DCBLD2: variants seen among roughly 807,000 people sequenced by gnomAD.
The protein encoded by DCBLD2 is discoidin, CUB and LCCL domain-containing protein 2.
DCBLD2 carries 54 observed loss-of-function variants against 86.8 expected under a neutral mutation model. That is an observed-to-expected ratio of 0.62 (90% confidence interval 0.50 to 0.78). The LOEUF (loss-of-function observed/expected upper bound fraction) is 0.78. DCBLD2 is among the 30% of genes least tolerant of loss of function. DCBLD2 has a pLI of 0.00. For synonymous variants in DCBLD2, 354 were observed against 341.3 expected (o/e 1.04, Z -0.41); for missense variants, 908 against 954.2 (o/e 0.95, Z 0.64).
chr3:98,799,815 TTCC>T lies in DCBLD2; in HGVS notation c.1882_1884del (p.Gly628del). ...GATCTTTGATGAAGTGTACCAACAA[TTCC>T]TCCTACCAGTGGCTGAGCATACTCT... On this transcript the variant is annotated inframe_deletion, in exon 16 of 16. Transcript: ENST00000326840. The T allele has an allele frequency of 6.2e-7, 1 of 1,612,786 alleles. No homozygotes were observed. The highest frequency in any genetic ancestry group is 8.5e-7 in the Non-Finnish European group (1 of 1,179,154).
At chr3:98,814,717 TG>T (rs1423406044) in intron 9 of DCBLD2, 4 of 152,128 alleles carry the variant, frequency 2.6e-5, no homozygotes, top group Non-Finnish European at 4.4e-5. Context: ...CAATTACCCT[TG>T]GGTTGGAGGT....
At chr3:98,864,589 C>T (rs1339407484) in intron 2 of DCBLD2, among the ~76,000 whole-genome samples, 1 of 152,104 alleles carries the variant, frequency 6.6e-6, no homozygotes, top group Non-Finnish European at 1.5e-5. Flanking sequence ...TCATTCTCAG[C>T]AAACTATCGC....
chr3:98,901,455 C>T lies in DCBLD2; in HGVS notation c.-129G>A. On this transcript the variant is annotated 5_prime_UTR_variant, in exon 1 of 16. Coordinates refer to ENST00000326840, the MANE Select transcript of DCBLD2 (RefSeq NM_080927.4). ...AAGAGGCAGCCCTCGCCTCACCCCG[C>T]GCCGGGACCCTTCCGCCCCTCACCC... is the stretch of plus-strand genomic sequence containing the variant. 1.1e-6 allele frequency: 1 copy of T among 946,816 alleles called. No homozygotes were observed. The highest frequency in any genetic ancestry group is 4.6e-5 in the South Asian group (1 of 21,536). 58.7% of individuals were successfully genotyped at this position (946,816 alleles called of 1,614,324 possible).
At position 98,863,431 on chromosome 3, in the gene DCBLD2, C is replaced by T. The variant is rs945406144; in HGVS notation, c.434-13833G>A. Among the ~76,000 whole-genome samples, 6 of 152,218 alleles carry T rather than the reference C, an allele frequency of 3.9e-5. No individual in the cohort carries two copies. In the East Asian group the frequency reaches 5.8e-4, roughly 15 times the overall value. The stretch of plus-strand genomic sequence containing the variant: ...ACAATCCTAAGCCAAAAGAACAAAG[C>T]GGGAGGCATCAAGCTACTTGACTTC... On this transcript the variant is annotated intron_variant, in intron 2 of 15. Coordinates refer to ENST00000326840, the MANE Select transcript of DCBLD2 (RefSeq NM_080927.4).
In DCBLD2 at chr3:98,812,355, A is replaced by G. The variant is rs2107436707; in HGVS notation, c.1340T>C (p.Leu447Pro). 1 of 1,613,512 alleles carries G rather than the reference A, an allele frequency of 6.2e-7. No individual in the cohort carries two copies. The highest frequency in any genetic ancestry group is 2.2e-5 in the East Asian group (1 of 44,828). ...QQKIAMKMEL[L>P]GCQFIPKGRP... is the part of the protein sequence containing the mutation. ...ACCTTTAGGAATAAACTGACATCCG[A>G]GCAGCTCCATTTTCATGGCAATTTT... The change falls in exon 10 of 16, where the codon CTC becomes CCC. Residue 447 changes from leucine (L) to proline (P), a missense_variant. Physicochemically the swap from Leu to Pro is moderately conservative, Grantham distance 98. This residue lies in a region of DCBLD2 where 606 missense variants were observed against 678.5 expected (regional missense o/e 0.89). Transcript: ENST00000326840.
intron 3 of DCBLD2, 39 bp from the exon 4 acceptor site, chr3:98,825,405 A>T (rs1169330995): frequency 1.4e-6 from 2 of 1,411,898 alleles, no homozygotes; most frequent in African/African-American, 3.0e-5. Context: ...CCATTAATAT[A>T]CAGGATTACC....
intron 1 of DCBLD2, chr3:98,890,262 G>A (rs535390509): frequency 3.9e-5 from 6 of 152,164 alleles, no homozygotes; most frequent in African/African-American, 1.2e-4. Context: ...CTAAGAGGAG[G>A]AAAGTTTAGA....
chr3:98,886,672 G>A (rs1327784372), intron 1 of DCBLD2, among the ~76,000 whole-genome samples: 1 of 151,904 alleles, frequency 6.6e-6, no homozygotes, highest in Non-Finnish European at 1.5e-5. Flanking sequence ...ACTGGAATTT[G>A]ATCTTAATGA....
intron 2 of DCBLD2, among the ~76,000 whole-genome samples, chr3:98,879,389 C>CTTT: frequency 6.6e-6 from 1 of 152,016 alleles, no homozygotes; most frequent in Admixed American, 6.6e-5. Flanking sequence ...CTCTGATAAT[C>CTTT]TTTTTTTCTT....
chr3:98,802,126 A>G (rs567345011), intron 13 of DCBLD2, among the ~76,000 whole-genome samples: 4 of 152,308 alleles, frequency 2.6e-5, no homozygotes, highest in African/African-American at 7.2e-5. Flanking sequence ...CTGAGGAATC[A>G]CCACACTGTC....
chr3:98,820,730 A>G (rs1184487896), intron 6 of DCBLD2: 1 of 151,528 alleles, frequency 6.6e-6, no homozygotes, highest in Non-Finnish European at 1.5e-5. Context: ...TTTTTCGGAT[A>G]AACATGAGAA....
At chr3:98,815,842 A>T (rs1942010569) in intron 9 of DCBLD2, 1 of 152,270 alleles carries the variant, frequency 6.6e-6, no homozygotes, top group South Asian at 2.1e-4. Flanking sequence ...GAAAACTTTC[A>T]AACTAAAATA....
chr3:98,868,020 G>A lies in DCBLD2; in HGVS notation c.433+13520C>T, dbSNP rs113284181. On this transcript the variant is annotated intron_variant, in intron 2 of 15. Coordinates refer to ENST00000326840, the MANE Select transcript of DCBLD2 (RefSeq NM_080927.4). ...GGGTTTCACCTTGTTAGCCAGGATG[G>A]TCTCGATCTCCTGACCTTGTGATCT... Among the ~76,000 whole-genome samples the A allele has an allele frequency of 1.3e-3, 198 of 152,096 alleles. 1 individual carries two copies. In the East Asian group the frequency reaches 0.016, roughly 13 times the overall value.
chr3:98,882,100 T>TAA (rs576607308), intron 1 of DCBLD2, among the ~76,000 whole-genome samples: 4 of 152,328 alleles, frequency 2.6e-5, no homozygotes, highest in South Asian at 4.1e-4. Flanking sequence ...TGTAACTTTG[T>TAA]ATCCTTTAAC....
At position 98,819,217 on chromosome 3, in the gene DCBLD2, C is replaced by T. The variant is rs1287435266; in HGVS notation, c.1072G>A (p.Glu358Lys). Residue 358 changes from glutamate (E) to lysine (K), a missense_variant, in exon 8 of 16, where the codon GAA (glutamate) becomes AAA (lysine). Transcript: ENST00000326840. ...YQWLQIDLNKEKKITGIITTG... is the reference protein window; with the variant it reads ...YQWLQIDLNKKKKITGIITTG... ...GTCTCTTAACCTGTTATTTTCTTTT[C>T]CTTATTCAAATCTATTTGTAACCAC... 2 of 1,572,186 alleles carry T rather than the reference C, an allele frequency of 1.3e-6. No individual in the cohort carries two copies. The highest frequency in any genetic ancestry group is 1.3e-5 in the African/African-American group (1 of 74,150).
chr3:98,828,562 G>A (rs1305274409), intron 3 of DCBLD2, among the ~76,000 whole-genome samples: 1 of 152,088 alleles, frequency 6.6e-6, no homozygotes, highest in African/African-American at 2.4e-5. Context: ...AACAAGCACT[G>A]GCAAAAATGT....
At chr3:98,855,997 T>A (rs1026686167) in intron 2 of DCBLD2, among the ~76,000 whole-genome samples, 1 of 152,194 alleles carries the variant, frequency 6.6e-6, no homozygotes, top group African/African-American at 2.4e-5. Context: ...CCAAGTATGC[T>A]AATACAAAAA....
intron 12 of DCBLD2, among the ~76,000 whole-genome samples, chr3:98,809,185 T>C (rs1166792938): frequency 6.6e-6 from 1 of 152,094 alleles, no homozygotes; most frequent in Non-Finnish European, 1.5e-5. Context: ...GGCCCAGATA[T>C]AGAAAATGAT....
intron 2 of DCBLD2, among the ~76,000 whole-genome samples, chr3:98,857,025 C>A (rs865888935): frequency 6.6e-6 from 1 of 152,172 alleles, no homozygotes; most frequent in Non-Finnish European, 1.5e-5. Flanking sequence ...GTGAGTGTTA[C>A]GGTTCTTAAA....
Sources: allele counts gnomAD v4.1 joint callset (sites outside exome capture counted in the v4.1 genomes callset), GRCh38; gene constraint gnomAD v4.1.1; regional missense constraint gnomAD v4.1.1; transcripts MANE v1.5; gene names NCBI Gene and HGNC (gene_info 2026-07-23, HGNC 2026-07-21).